The following LAMC2 variants were observed in gnomAD, a reference collection of about 807,000 sequenced individuals.
LAMC2 encodes the protein laminin subunit gamma 2, also known as laminin subunit gamma-2.
A neutral mutation model predicts 140.2 loss-of-function variants in LAMC2; 97 were observed. The ratio of observed to expected loss-of-function variants is 0.69; its 90% CI spans 0.59 to 0.82. The LOEUF is 0.82. Ranked by LOEUF, LAMC2 falls within the 40% of genes least tolerant of loss-of-function variation. The pLI, the probability that LAMC2 is intolerant of heterozygous loss-of-function variation, is 0.00. For synonymous variants in LAMC2, 513 were observed against 540.2 expected, an observed-to-expected ratio of 0.95 and a Z score of 0.70; for missense variants, 1,402 against 1,476.1, an observed-to-expected ratio of 0.95 and a Z score of 0.82.
At chr1:183,200,717 G>A (rs1347628481) in intron 1 of LAMC2, among the ~76,000 whole-genome samples, 2 of 152,040 alleles carry the variant, frequency 1.3e-5, no homozygotes, top group Non-Finnish European at 2.9e-5. Context: ...GTGAGCCCGA[G>A]GGATCCTGCT....
At chr1:183,223,363 C>T (rs1328282814) in intron 7 of LAMC2, 39 bp downstream of exon 7, 1 of 1,572,432 alleles carries the variant, frequency 6.4e-7, no homozygotes, top group Non-Finnish European at 8.8e-7. Context: ...TTAGAGCAAA[C>T]TATGATTGAA....
chr1:183,234,118 C>A (rs1278711732), intron 14 of LAMC2, among the ~76,000 whole-genome samples: 1 of 152,114 alleles, frequency 6.6e-6, no homozygotes, highest in Non-Finnish European at 1.5e-5. Context: ...AACTCCTGAC[C>A]TCAGGTGATT....
intron 1 of LAMC2, among the ~76,000 whole-genome samples, chr1:183,193,719 G>A (rs1054096470): frequency 6.6e-6 from 1 of 152,196 alleles, no homozygotes; most frequent in Non-Finnish European, 1.5e-5. Context: ...TTCACATTCT[G>A]AGATCTGCAG....
At chr1:183,201,879 AC>A (rs1477523424) in intron 1 of LAMC2, among the ~76,000 whole-genome samples, 6 of 152,248 alleles carry the variant, frequency 3.9e-5, no homozygotes, top group African/African-American at 1.4e-4. Context: ...CTGACAGGCA[AC>A]TGGATTAAAA....
chr1:183,190,471 C>T (rs1223595954), intron 1 of LAMC2, among the ~76,000 whole-genome samples: 3 of 151,858 alleles, frequency 2.0e-5, no homozygotes, highest in Non-Finnish European at 4.4e-5. Flanking sequence ...GACTGGATCT[C>T]GTATCATTCC....
In LAMC2 at chr1:183,226,757, G is replaced by A; in HGVS notation, c.1126G>A (p.Ala376Thr). The A allele has an allele frequency of 6.2e-7, 1 of 1,614,240 alleles. No individual in the cohort carries two copies. Among genetic ancestry groups the A allele is most frequent in the South Asian group, 1.1e-5 (1 of 91,082 alleles). ...ISARPVSGAP[A>T]PWVEQCICPV... ...AGCCCGCCCTGTCTCTGGAGCCCCA[G>A]CACCCTGGGTTGAACAGTGTATATG... The change falls in exon 9 of 23, where the codon GCA (alanine) becomes ACA (threonine). Residue 376 changes from alanine (A) to threonine (T), a missense_variant. Ala to Thr is a moderately conservative substitution (Grantham distance 58). This residue lies in a region of LAMC2 where 723 missense variants were observed against 783.3 expected (regional missense o/e 0.92). Transcript: ENST00000264144.
chr1:183,239,898 TAA>T, intron 20 of LAMC2, 140 bp from the exon 21 acceptor site: 3 of 964,902 alleles, frequency 3.1e-6, no homozygotes, highest in Admixed American at 1.8e-5. Context: ...CCCCTGTCCC[TAA>T]GTCTGATTCT....
At chr1:183,223,458 G>T (rs1213981728) in intron 7 of LAMC2, 134 bp downstream of exon 7, 1 of 803,312 alleles carries the variant, frequency 1.2e-6, no homozygotes, top group Non-Finnish European at 2.0e-6. Context: ...CATGAAGGTT[G>T]CTATGTGCTG....
intron 4 of LAMC2, among the ~76,000 whole-genome samples, chr1:183,218,689 C>A (rs541529108): frequency 1.3e-5 from 2 of 152,202 alleles, no homozygotes; most frequent in Non-Finnish European, 2.9e-5. Flanking sequence ...CCAAATCTCA[C>A]TGGACTCCAT....
At chr1:183,214,113 C>CTAG (rs1435478027) in intron 2 of LAMC2, among the ~76,000 whole-genome samples, 1 of 152,036 alleles carries the variant, frequency 6.6e-6, no homozygotes, top group Non-Finnish European at 1.5e-5. Flanking sequence ...TGAGGTGTAC[C>CTAG]TAGCTAGCCT....
At position 183,236,556 on chromosome 1, in the gene LAMC2, C is replaced by T. The variant is rs1571539434; in HGVS notation, c.2553C>T (p.Leu851=). The T allele has an allele frequency of 1.9e-6, 3 of 1,614,062 alleles. No individual in the cohort carries two copies. The highest frequency in any genetic ancestry group is 1.7e-5 in the Admixed American group (1 of 60,000). Residue 851 remains leucine, a synonymous_variant, in exon 17 of 23, where the codon CTC becomes CTT. Coordinates refer to ENST00000264144, the MANE Select transcript of LAMC2 (RefSeq NM_005562.3). ...ADRSYQHSLR[L]LDSVSRLQGV... is the part of the protein sequence containing the mutation. ...GGTCTTATCAGCACAGTCTCCGCCT[C>T]CTGGATTCAGTGTCTCGGCTTCAGG...
At chr1:183,191,257 C>T (rs1300057935) in intron 1 of LAMC2, among the ~76,000 whole-genome samples, 1 of 151,914 alleles carries the variant, frequency 6.6e-6, no homozygotes, top group Non-Finnish European at 1.5e-5. Flanking sequence ...CAAGCATGTA[C>T]AGAGATATAG....
At chr1:183,237,867 C>G (rs1205798583) in intron 18 of LAMC2, among the ~76,000 whole-genome samples, 1 of 152,158 alleles carries the variant, frequency 6.6e-6, no homozygotes, top group Non-Finnish European at 1.5e-5. Context: ...GCCTGGGTGA[C>G]AGAGCAAGAC....
At chr1:183,232,455 C>T in intron 13 of LAMC2, 112 bp downstream of exon 13, 3 of 1,296,192 alleles carry the variant, frequency 2.3e-6, no homozygotes, top group Non-Finnish European at 2.2e-6. Context: ...TTATCTCCAG[C>T]CAGCCCTTGC....
At chr1:183,239,740 T>G (rs1039562495) in intron 20 of LAMC2, 177 bp downstream of exon 20, 187 of 658,014 alleles carry the variant, frequency 2.8e-4, no homozygotes, top group Admixed American at 4.7e-4. Flanking sequence ...GAATGATGTG[T>G]TTTTTTGTCC....
At chr1:183,230,326 G>A (rs530719671) in intron 11 of LAMC2, among the ~76,000 whole-genome samples, 4 of 152,328 alleles carry the variant, frequency 2.6e-5, no homozygotes, top group African/African-American at 4.8e-5. Flanking sequence ...ACTTAGATAC[G>A]TAATCAGCGT....
downstream of LAMC2, among the ~76,000 whole-genome samples, chr1:183,245,653 C>T (rs944299018): frequency 3.3e-5 from 5 of 152,218 alleles, no homozygotes; most frequent in African/African-American, 1.2e-4. Context: ...TCACATCTGC[C>T]ATGCAAAGGG....
intron 15 of LAMC2, 65 bp downstream of exon 15, chr1:183,234,511 T>C (rs960006499): frequency 3.9e-6 from 5 of 1,276,384 alleles, no homozygotes; most frequent in Non-Finnish European, 5.7e-6. Flanking sequence ...TGAATAAGAG[T>C]GTAGGGTATT....
Position 183,226,736 on chromosome 1 carries a change from C to T in LAMC2, c.1105C>T (p.Arg369Cys), listed in dbSNP as rs552102778. 16 of 1,614,216 alleles carry T rather than the reference C, an allele frequency of 9.9e-6. No homozygotes were observed. The highest frequency in any genetic ancestry group is 3.3e-5 in the South Asian group (3 of 91,082). ...YIDNVTLISA[R>C]PVSGAPAPWV... Reference sequence around the variant, plus strand: ...TGACAATGTGACCCTGATTTCAGCCCGCCCTGTCTCTGGAGCCCCAGCACC... The same window carrying T: ...TGACAATGTGACCCTGATTTCAGCCTGCCCTGTCTCTGGAGCCCCAGCACC... Residue 369 changes from arginine (R) to cysteine (C), a missense_variant, in exon 9 of 23, where the codon CGC becomes TGC. Arg to Cys is a radical substitution (Grantham distance 180). Around this residue, in one of 3 missense-constraint regions of LAMC2, gnomAD observed 723 missense variants for 783.3 expected, o/e 0.92. Transcript: ENST00000264144.
Sources: allele counts gnomAD v4.1 joint callset (sites outside exome capture counted in the v4.1 genomes callset), GRCh38; gene constraint gnomAD v4.1.1; regional missense constraint gnomAD v4.1.1; transcripts MANE v1.5; gene names NCBI Gene and HGNC (gene_info 2026-07-23, HGNC 2026-07-21).